KCNIP4: variants seen among roughly 807,000 people sequenced by gnomAD.
The protein encoded by KCNIP4 is potassium voltage-gated channel interacting protein 4.
A neutral mutation model predicts 34.0 loss-of-function variants in KCNIP4; 12 were observed. The ratio of observed to expected loss-of-function variants is 0.35; its 90% CI spans 0.23 to 0.57. The LOEUF is 0.57. Among genes scored for constraint, KCNIP4 ranks in the 20% least tolerant of loss-of-function variants. KCNIP4 has a pLI of 0.83. For synonymous variants in KCNIP4, 124 were observed against 102.2 expected (o/e 1.21, Z -1.29); for missense variants, 238 against 311.7 (o/e 0.76, Z 1.78).
At chr4:21,216,146 T>C (rs556156066) in intron 1 of KCNIP4, among the ~76,000 whole-genome samples, 1 of 152,188 alleles carries the variant, frequency 6.6e-6, no homozygotes, top group East Asian at 1.9e-4. Context: ...TGACTTTGCG[T>C]TGGTGCGGGT....
intron 1 of KCNIP4, among the ~76,000 whole-genome samples, chr4:20,966,506 A>G (rs1734365825): frequency 6.6e-6 from 1 of 152,150 alleles, no homozygotes; most frequent in Non-Finnish European, 1.5e-5. Context: ...GCATAGAAAA[A>G]ACTTGAGCTC....
chr4:21,123,217 A>AAG (rs397809134), intron 1 of KCNIP4, among the ~76,000 whole-genome samples: 1 of 151,628 alleles, frequency 6.6e-6, no homozygotes, highest in Admixed American at 6.6e-5. Context: ...AAAAAAAAAA[A>AAG]TTACTGTTGA....
At chr4:21,087,927 C>T (rs1746615663) in intron 1 of KCNIP4, among the ~76,000 whole-genome samples, 1 of 151,986 alleles carries the variant, frequency 6.6e-6, no homozygotes, top group South Asian at 2.1e-4. Context: ...TCAAGATACG[C>T]TTCCCTTCTC....
At chr4:20,953,405 C>T (rs574455737) in intron 1 of KCNIP4, among the ~76,000 whole-genome samples, 1 of 152,304 alleles carries the variant, frequency 6.6e-6, no homozygotes, top group South Asian at 2.1e-4. Flanking sequence ...GGTGCAGTGG[C>T]TCACACATGT....
At chr4:21,491,012 C>T in intron 1 of KCNIP4, among the ~76,000 whole-genome samples, 1 of 152,220 alleles carries the variant, frequency 6.6e-6, no homozygotes, top group South Asian at 2.1e-4. Context: ...ATCTCCACAT[C>T]ACTCCCCAAT....
At chr4:21,109,225 A>C (rs1748902653) in intron 1 of KCNIP4, among the ~76,000 whole-genome samples, 1 of 152,194 alleles carries the variant, frequency 6.6e-6, no homozygotes, top group African/African-American at 2.4e-5. Flanking sequence ...AGAGGCAGGC[A>C]GGCCTCCTTG....
chr4:21,081,892 A>C (rs1232875952), intron 1 of KCNIP4, among the ~76,000 whole-genome samples: 3 of 151,836 alleles, frequency 2.0e-5, no homozygotes, highest in African/African-American at 7.3e-5. Flanking sequence ...TCAAGATACC[A>C]TCTAACAAAT....
intron 1 of KCNIP4, among the ~76,000 whole-genome samples, chr4:21,606,486 T>C (rs1335560041): frequency 2.0e-5 from 3 of 152,204 alleles, no homozygotes; most frequent in Admixed American, 6.5e-5. Flanking sequence ...AGAAGTCTGA[T>C]GTGGGTCTCA....
intron 1 of KCNIP4, among the ~76,000 whole-genome samples, chr4:21,458,120 T>A (rs1182786941): frequency 6.7e-6 from 1 of 149,110 alleles, no homozygotes; most frequent in East Asian, 2.0e-4. Flanking sequence ...ATTAGGTATA[T>A]CTCCCAATGC....
chr4:21,671,925 C>T (rs1025658324), intron 1 of KCNIP4, among the ~76,000 whole-genome samples: 1 of 152,140 alleles, frequency 6.6e-6, no homozygotes, highest in Non-Finnish European at 1.5e-5. Context: ...AGAACCCAGT[C>T]CTGAACTTTG....
intron 1 of KCNIP4, among the ~76,000 whole-genome samples, chr4:21,062,298 A>T (rs1327410286): frequency 6.6e-6 from 1 of 152,124 alleles, no homozygotes; most frequent in East Asian, 1.9e-4. Context: ...CTATTTAAAT[A>T]AAATATATTC....
At chr4:21,821,100 A>G (rs1326787467) in intron 1 of KCNIP4, among the ~76,000 whole-genome samples, 1 of 152,160 alleles carries the variant, frequency 6.6e-6, no homozygotes, top group Non-Finnish European at 1.5e-5. Flanking sequence ...TCTCAGTGTT[A>G]GCAATTGTTA....
intron 1 of KCNIP4, among the ~76,000 whole-genome samples, chr4:21,761,785 T>TA (rs879471837): frequency 1.6e-4 from 24 of 151,440 alleles, no homozygotes; most frequent in Admixed American, 1.1e-3. Flanking sequence ...TTAACAACAT[T>TA]AAAAAAAAAT....
intron 1 of KCNIP4, among the ~76,000 whole-genome samples, chr4:21,354,633 C>G (rs972671296): frequency 3.3e-5 from 5 of 152,118 alleles, no homozygotes; most frequent in Admixed American, 2.0e-4. Flanking sequence ...TACAGGAGCA[C>G]CAAGATTCTT....
At chr4:21,506,342 A>G (rs1733845030) in intron 1 of KCNIP4, among the ~76,000 whole-genome samples, 1 of 152,156 alleles carries the variant, frequency 6.6e-6, no homozygotes, top group African/African-American at 2.4e-5. Context: ...TCTGGGCCTC[A>G]CTCTATTTTG....
chr4:21,206,786 T>A (rs1387084308), intron 1 of KCNIP4, among the ~76,000 whole-genome samples: 1 of 152,208 alleles, frequency 6.6e-6, no homozygotes, highest in Non-Finnish European at 1.5e-5. Flanking sequence ...AGAAAACTGA[T>A]CTTTAGAGAA....
intron 1 of KCNIP4, among the ~76,000 whole-genome samples, chr4:21,744,509 T>C (rs1315188004): frequency 6.6e-6 from 1 of 152,172 alleles, no homozygotes; most frequent in African/African-American, 2.4e-5. Context: ...AAGTTTACAG[T>C]CTGATAGAGC....
At chr4:20,777,929 G>A (rs1360800943) in intron 3 of KCNIP4, among the ~76,000 whole-genome samples, 2 of 152,186 alleles carry the variant, frequency 1.3e-5, no homozygotes, top group Non-Finnish European at 2.9e-5. Flanking sequence ...AAACCAGGGA[G>A]CTGAATGCAC....
intron 1 of KCNIP4, among the ~76,000 whole-genome samples, chr4:21,646,040 A>T (rs974980533): frequency 6.6e-6 from 1 of 152,168 alleles, no homozygotes; most frequent in African/African-American, 2.4e-5. Context: ...TCCTTTTCTG[A>T]TTCCTACAGT....
Sources: gnomAD v4.1 joint callset for allele counts (sites outside exome capture counted in the v4.1 genomes callset) on GRCh38, gnomAD v4.1.1 for gene constraint, MANE v1.5 for transcripts, NCBI Gene and HGNC (gene_info 2026-07-23, HGNC 2026-07-21) for gene names.